Variants in FSHR observed in about 807,000 individuals in gnomAD.
FSHR encodes follicle-stimulating hormone receptor.
Under a neutral mutation model 52.1 loss-of-function variants are expected in FSHR, and 46 were observed. That is an observed-to-expected ratio of 0.88 (90% confidence interval 0.70 to 1.13). The LOEUF (loss-of-function observed/expected upper bound fraction) is 1.13, where lower values mean the gene tolerates loss of function less well. Ranked by LOEUF, FSHR falls within the 50% of genes most tolerant of loss-of-function variation. The pLI, the probability that FSHR is intolerant of heterozygous loss-of-function variation, is 0.00. For synonymous variants in FSHR, 399 were observed against 309.6 expected, an observed-to-expected ratio of 1.29 and a Z score of -3.03; for missense variants, 964 against 834.6, an observed-to-expected ratio of 1.16 and a Z score of -1.91.
chr2:48,980,688 T>A (rs1226348875), intron 8 of FSHR, among the ~76,000 whole-genome samples: 1 of 152,122 alleles, frequency 6.6e-6, no homozygotes, highest in Non-Finnish European at 1.5e-5. Flanking sequence ...CAATTAAACG[T>A]ATTTATGGCA....
rs913276308 is a variant in FSHR, at chr2:48,962,539, T to C, written c.*194A>G. On this transcript the variant is annotated 3_prime_UTR_variant, in exon 10 of 10. Coordinates refer to ENST00000406846, the MANE Select transcript of FSHR (RefSeq NM_000145.4). Reference sequence around the variant, plus strand: ...ACAGTATTGCATTCTTTAATTATTATTGTTGTTACTAATAATTCAGCTTCC... The same window carrying C: ...ACAGTATTGCATTCTTTAATTATTACTGTTGTTACTAATAATTCAGCTTCC... The C allele has an allele frequency of 9.9e-6, 6 of 607,490 alleles. No homozygotes were observed. In the East Asian group the frequency reaches 1.7e-4, roughly 17 times the overall value. 37.6% of individuals were successfully genotyped at this position (607,490 alleles called of 1,614,324 possible).
At chr2:49,055,794 C>T (rs759034742) in intron 2 of FSHR, among the ~76,000 whole-genome samples, 7 of 151,924 alleles carry the variant, frequency 4.6e-5, no homozygotes, top group Non-Finnish European at 1.0e-4. Flanking sequence ...GACAAGAATA[C>T]TATACCCAGC....
chr2:49,076,028 T>A (rs1669938573), intron 1 of FSHR, among the ~76,000 whole-genome samples: 1 of 152,102 alleles, frequency 6.6e-6, no homozygotes, highest in Non-Finnish European at 1.5e-5. Context: ...TACAGAAAAG[T>A]GAATAGACCT....
chr2:48,988,881 G>A, intron 6 of FSHR, 96 bp downstream of exon 6: 1 of 1,005,446 alleles, frequency 9.9e-7, no homozygotes, highest in South Asian at 1.3e-5. Context: ...AAATGCCAAA[G>A]TTACCCAAAC....
At chr2:49,096,968 C>A (rs757905459) in intron 1 of FSHR, among the ~76,000 whole-genome samples, 14 of 152,216 alleles carry the variant, frequency 9.2e-5, no homozygotes, top group Admixed American at 9.2e-4. Context: ...CTCCCCAGCC[C>A]CAGAAGCCAA....
intron 4 of FSHR, chr2:49,014,680 C>G: frequency 4.0e-6 from 1 of 251,654 alleles, no homozygotes; most frequent in Non-Finnish European, 7.9e-6. Flanking sequence ...TGCAATGATT[C>G]CTCATTTCTC....
At chr2:49,070,840 T>C (rs987626873) in intron 1 of FSHR, among the ~76,000 whole-genome samples, 3 of 152,184 alleles carry the variant, frequency 2.0e-5, no homozygotes, top group African/African-American at 7.2e-5. Flanking sequence ...AGAAGTCTTC[T>C]ATAAAACATT....
intron 1 of FSHR, among the ~76,000 whole-genome samples, chr2:49,078,380 C>T (rs1392776351): frequency 6.6e-6 from 1 of 152,158 alleles, no homozygotes; most frequent in Non-Finnish European, 1.5e-5. Flanking sequence ...AGGTCCCTGC[C>T]ATACTAGCCA....
chr2:49,045,357 G>T (rs1026211431), intron 2 of FSHR, among the ~76,000 whole-genome samples: 1 of 152,152 alleles, frequency 6.6e-6, no homozygotes, highest in Non-Finnish European at 1.5e-5. Context: ...CTCCACAGTA[G>T]TTAGATCCTC....
intron 1 of FSHR, among the ~76,000 whole-genome samples, chr2:49,090,802 C>G (rs1209365234): frequency 6.6e-6 from 1 of 152,064 alleles, no homozygotes; most frequent in Non-Finnish European, 1.5e-5. Context: ...TTGAGCTGTT[C>G]TGATAGCTAT....
intron 4 of FSHR, among the ~76,000 whole-genome samples, chr2:49,010,475 T>C (rs1332620402): frequency 6.6e-6 from 1 of 152,206 alleles, no homozygotes; most frequent in African/African-American, 2.4e-5. Flanking sequence ...TCAGGGATAT[T>C]GGTCTAAAAT....
At chr2:49,120,207 G>A (rs974341613) in intron 1 of FSHR, among the ~76,000 whole-genome samples, 3 of 152,140 alleles carry the variant, frequency 2.0e-5, no homozygotes, top group Admixed American at 2.0e-4. Context: ...AGAGGCGAAG[G>A]TTGCAGTGAG....
intron 2 of FSHR, among the ~76,000 whole-genome samples, chr2:49,039,583 A>G (rs1283049013): frequency 6.6e-6 from 1 of 152,200 alleles, no homozygotes; most frequent in Non-Finnish European, 1.5e-5. Context: ...TTTGGCTTAG[A>G]CTAGAGGTGA....
At chr2:49,052,978 T>G (rs550719504) in intron 2 of FSHR, among the ~76,000 whole-genome samples, 33 of 152,344 alleles carry the variant, frequency 2.2e-4, no homozygotes, top group Admixed American at 4.6e-4. Context: ...TTTAATGTGT[T>G]TGCAACAATT....
intron 1 of FSHR, among the ~76,000 whole-genome samples, chr2:49,083,845 C>T (rs1381887277): frequency 6.8e-6 from 1 of 147,906 alleles, no homozygotes; most frequent in African/African-American, 2.5e-5. Context: ...ATGCATAAAG[C>T]AAGTCCTGAG....
At chr2:49,022,971 T>C (rs1205825320) in intron 2 of FSHR, among the ~76,000 whole-genome samples, 1 of 152,190 alleles carries the variant, frequency 6.6e-6, no homozygotes, top group East Asian at 1.9e-4. Context: ...AGGTCCTGCA[T>C]TTCTAATAGC....
At position 49,154,449 on chromosome 2, in the gene FSHR, G is replaced by T. The variant is rs371875648; in HGVS notation, c.-32C>A. 1.2e-6 allele frequency: 2 copies of T among 1,610,484 alleles called. No homozygotes were observed. The highest frequency in any genetic ancestry group is 1.1e-5 in the South Asian group (1 of 90,918). On this transcript the variant is annotated 5_prime_UTR_variant, in exon 1 of 10. Coordinates refer to ENST00000406846, the MANE Select transcript of FSHR (RefSeq NM_000145.4). ...GCATCCATCCACCTGATTTCTTCCT[G>T]CATTTGCAGAGAAAAACCTCCACAG...
chr2:49,041,064 C>T (rs1558406237), intron 2 of FSHR, among the ~76,000 whole-genome samples: 1 of 152,164 alleles, frequency 6.6e-6, no homozygotes, highest in Non-Finnish European at 1.5e-5. Context: ...ATTTTCTCTT[C>T]AAACTACCTG....
chr2:49,058,687 C>T (rs919561283), intron 2 of FSHR, among the ~76,000 whole-genome samples: 4 of 151,848 alleles, frequency 2.6e-5, no homozygotes, highest in Non-Finnish European at 5.9e-5. Flanking sequence ...AATAAAGAAG[C>T]CCATTCCATT....
Sources: allele counts gnomAD v4.1 joint callset (sites outside exome capture counted in the v4.1 genomes callset), GRCh38; gene constraint gnomAD v4.1.1; transcripts MANE v1.5; gene names NCBI Gene and HGNC (gene_info 2026-07-23, HGNC 2026-07-21).